Variants in MICAL3 observed in about 807,000 individuals in gnomAD.
MICAL3 encodes [F-actin]-monooxygenase MICAL3.
A neutral mutation model predicts 207.4 loss-of-function variants in MICAL3; 62 were observed. The ratio of observed to expected loss-of-function variants is 0.30; its 90% CI spans 0.24 to 0.37. MICAL3 has a LOEUF of 0.37. MICAL3 is among the 10% of genes least tolerant of loss of function. The probability of loss-of-function intolerance (pLI) is 1.00; values close to 1 mark genes in which losing one functional copy is unlikely to be tolerated. For synonymous variants in MICAL3, 1,077 were observed against 1,069.3 expected, an observed-to-expected ratio of 1.01 and a Z score of -0.14; for missense variants, 2,368 against 2,635.6, an observed-to-expected ratio of 0.90 and a Z score of 2.22.
intron 1 of MICAL3, among the ~76,000 whole-genome samples, chr22:17,968,036 C>T (rs144925915): frequency 0.012 from 1,664 of 144,248 alleles, 36 homozygotes; most frequent in African/African-American, 0.043. Flanking sequence ...AGTGAGACTC[C>T]GTCTCAAAAA....
At position 17,811,709 on chromosome 22, in the gene MICAL3, C is replaced by A. The variant is rs145660936; in HGVS notation, c.5446-896G>T. Among the ~76,000 whole-genome samples the A allele has an allele frequency of 3.5e-3, 529 of 152,256 alleles. 4 individuals carry two copies. Among genetic ancestry groups the A allele is most frequent in the African/African-American group, 0.011 (467 of 41,550 alleles). Reference sequence around the variant, plus strand: ...GGGGATTTGCCTTTATTCATAAGACCCTCTTTATTGCCTCTAAGAAAATGA... The same window carrying A: ...GGGGATTTGCCTTTATTCATAAGACACTCTTTATTGCCTCTAAGAAAATGA... On this transcript the variant is annotated intron_variant, in intron 27 of 31. Coordinates refer to ENST00000441493, the MANE Select transcript of MICAL3 (RefSeq NM_015241.3).
intron 1 of MICAL3, among the ~76,000 whole-genome samples, chr22:17,935,236 G>C (rs766919366): frequency 2.6e-5 from 4 of 152,080 alleles, no homozygotes; most frequent in African/African-American, 9.7e-5. Context: ...CAGAGATATA[G>C]ACCAATGGAA....
chr22:17,966,538 A>C (rs1215302415), intron 1 of MICAL3, among the ~76,000 whole-genome samples: 1 of 152,184 alleles, frequency 6.6e-6, no homozygotes, highest in African/African-American at 2.4e-5. Flanking sequence ...AAGAACCATG[A>C]CCAATCCTCA....
chr22:18,007,922 CAAAAAAAA>C (rs60544257), intron 1 of MICAL3, among the ~76,000 whole-genome samples: 13 of 37,754 alleles, frequency 3.4e-4, no homozygotes, highest in East Asian at 8.4e-4. Context: ...GACTCCATCT[CAAAAAAAA>C]AAAAAAAAAA....
In MICAL3 at chr22:17,962,732, T is replaced by C. The variant is rs540252578; in HGVS notation, c.-74-55846A>G. ...ACCCTTTGAACAGAAATGAAGCAAA[T>C]GAGCTACACAGGGCGGCATAAAAAC... On this transcript the variant is annotated intron_variant, in intron 1 of 31. Coordinates refer to ENST00000441493, the MANE Select transcript of MICAL3 (RefSeq NM_015241.3). 2.4e-4 allele frequency among the ~76,000 whole-genome samples: 27 copies of C among 110,904 alleles called. 1 individual carries two copies. Among genetic ancestry groups the C allele is most frequent in the African/African-American group, 6.4e-4 (20 of 31,030 alleles). 72.8% of individuals were successfully genotyped at this position (110,904 alleles called of 152,430 possible).
chr22:17,982,679 T>TCATAACATAACATAACATAA (rs11268253), intron 1 of MICAL3, among the ~76,000 whole-genome samples: 8,499 of 141,374 alleles, frequency 0.06, 329 homozygotes, highest in Middle Eastern at 0.1. Context: ...TCAAAAAAAT[T>TCATAACATAACATAACATAA]CATAACATAA....
intron 1 of MICAL3, among the ~76,000 whole-genome samples, chr22:17,993,663 T>C (rs116715513): frequency 0.013 from 1,988 of 150,696 alleles, 19 homozygotes; most frequent in African/African-American, 0.017. Context: ...GCGCCCACAC[T>C]CTCCTCCCAG....
chr22:17,797,238 A>G (rs2061886034), intron 29 of MICAL3, among the ~76,000 whole-genome samples: 1 of 152,172 alleles, frequency 6.6e-6, no homozygotes, highest in African/African-American at 2.4e-5. Context: ...ACGGGGGCTC[A>G]CACCTGTGAT....
chr22:17,913,009 A>C (rs1394822127), intron 1 of MICAL3, among the ~76,000 whole-genome samples: 2 of 152,138 alleles, frequency 1.3e-5, no homozygotes, highest in African/African-American at 4.8e-5. Context: ...TTCTATTCCT[A>C]GTCTGGTGAG....
intron 13 of MICAL3, among the ~76,000 whole-genome samples, chr22:17,888,740 G>A (rs1030113922): frequency 6.6e-6 from 1 of 152,186 alleles, no homozygotes; most frequent in African/African-American, 2.4e-5. Context: ...CAAAAAGGCT[G>A]GCTCTGAGAG....
rs370304386 is a variant in MICAL3, at chr22:17,864,959, C to T, written c.2545G>A (p.Ala849Thr). The change falls in exon 19 of 32, where the codon GCC becomes ACC. Residue 849 changes from alanine (A) to threonine (T), a missense_variant. Physicochemically the swap from Ala to Thr is moderately conservative, Grantham distance 58. This residue lies in a region of MICAL3 where 1,770 missense variants were observed against 1,863.2 expected (regional missense o/e 0.95). Coordinates refer to ENST00000441493, the MANE Select transcript of MICAL3 (RefSeq NM_015241.3). ...GCCCGTCCGTTTGCATCTGTGGTGG[C>T]GCCATCCTGCAGGGGTCCTTTGGCC... ...KEAKGPLQDG[A>T]TTDANGRANA... is the part of the protein sequence containing the mutation. 129 of 1,611,472 alleles carry T rather than the reference C, an allele frequency of 8.0e-5. No individual in the cohort carries two copies. In the African/African-American group the frequency reaches 1.4e-3, roughly 17 times the overall value.
At chr22:17,949,491 T>A (rs1156255819) in intron 1 of MICAL3, among the ~76,000 whole-genome samples, 1 of 152,202 alleles carries the variant, frequency 6.6e-6, no homozygotes, top group Admixed American at 6.5e-5. Flanking sequence ...GTGGGCTGCT[T>A]CCAACACCTG....
chr22:17,791,180 C>A (rs781436458), intron 30 of MICAL3, 22 bp downstream of exon 30: 1 of 1,612,176 alleles, frequency 6.2e-7, no homozygotes, highest in East Asian at 2.2e-5. Flanking sequence ...AGCGCTGACG[C>A]CCCCTACCCA....
chr22:17,889,110 C>G lies in MICAL3; in HGVS notation c.1815G>C (p.Gly605=). The part of the protein sequence containing the change: ...IMTGKEMASV[G]EPDKLSMVMY... ...TCACCATGGACAGCTTATCAGGCTC[C>G]CCCACGGAGGCCATTTCTTTGCCTG... The change falls in exon 13 of 32, where the codon GGG becomes GGC. Residue 605 remains glycine, a synonymous_variant. Coordinates refer to ENST00000441493, the MANE Select transcript of MICAL3 (RefSeq NM_015241.3). 1 of 1,613,760 alleles carries G rather than the reference C, an allele frequency of 6.2e-7. No homozygotes were observed. Among genetic ancestry groups the G allele is most frequent in the Non-Finnish European group, 8.5e-7 (1 of 1,179,752 alleles).
intron 1 of MICAL3, among the ~76,000 whole-genome samples, chr22:17,944,931 C>A (rs1933985561): frequency 6.6e-6 from 1 of 151,352 alleles, no homozygotes; most frequent in East Asian, 1.9e-4. Flanking sequence ...CCTCTGAGAT[C>A]ATCAAACTTA....
chr22:17,888,939 G>C lies in MICAL3; in HGVS notation c.1891+95C>G. ...AAAAACACAGAGTAACTTTGTGTTT[G>C]GTGGCACTGCTGCGGGACAGTCGGA... On this transcript the variant is annotated intron_variant, in intron 13 of 31. Transcript: ENST00000441493. The C allele has an allele frequency of 3.9e-6, 3 of 771,688 alleles. No homozygotes were observed. The South Asian group carries it at 6.1e-5, about 16-fold the overall frequency. 47.8% of individuals were successfully genotyped at this position (771,688 alleles called of 1,614,324 possible).
At chr22:17,846,595 G>A (rs368177261) in intron 19 of MICAL3, among the ~76,000 whole-genome samples, 2 of 152,222 alleles carry the variant, frequency 1.3e-5, no homozygotes, top group African/African-American at 4.8e-5. Flanking sequence ...CCCAGGAGGA[G>A]AGAGCAGGAG....
rs184645474 is a variant in MICAL3, at chr22:18,011,887, G to A, written c.-75+12394C>T. 8.9e-3 allele frequency among the ~76,000 whole-genome samples: 1,340 copies of A among 150,418 alleles called. 17 individuals are homozygous for A. The highest frequency in any genetic ancestry group is 0.03 in the African/African-American group (1,229 of 41,148). On this transcript the variant is annotated intron_variant, in intron 1 of 31. Coordinates refer to ENST00000441493, the MANE Select transcript of MICAL3 (RefSeq NM_015241.3). ...AGCCTGGGCGACGGAGCGAGACTCT[G>A]TCTCAAAAAATAATAATAATAATAA... is the stretch of plus-strand genomic sequence containing the variant.
At chr22:17,842,084 G>T in intron 19 of MICAL3, 67 bp from the exon 20 acceptor site, 1 of 1,456,388 alleles carries the variant, frequency 6.9e-7, no homozygotes, top group Non-Finnish European at 9.4e-7. Context: ...GGTGGGGGCT[G>T]ACACCCAGGC....
Sources: gnomAD v4.1 joint callset for allele counts (sites outside exome capture counted in the v4.1 genomes callset) on GRCh38, gnomAD v4.1.1 for gene constraint, gnomAD v4.1.1 regional missense constraint, MANE v1.5 for transcripts, NCBI Gene and HGNC (gene_info 2026-07-23, HGNC 2026-07-21) for gene names.